Variants in PKP4 observed in about 807,000 individuals in gnomAD.
PKP4 encodes the protein plakophilin 4, also known as plakophilin-4.
In PKP4, 90 loss-of-function variants were observed where a neutral mutation model predicts 145.1. The observed-to-expected ratio is 0.62, with a 90% CI of 0.52 to 0.74. PKP4 has a LOEUF of 0.74. Among genes scored for constraint, PKP4 ranks in the 30% least tolerant of loss-of-function variants. The pLI, the probability that PKP4 is intolerant of heterozygous loss-of-function variation, is 0.00. For synonymous variants in PKP4, 563 were observed against 577.2 expected, an observed-to-expected ratio of 0.98 and a Z score of 0.35; for missense variants, 1,340 against 1,482.7, an observed-to-expected ratio of 0.90 and a Z score of 1.58.
chr2:158,651,484 C>T (rs1267012073), intron 11 of PKP4, among the ~76,000 whole-genome samples: 1 of 152,038 alleles, frequency 6.6e-6, no homozygotes, highest in Non-Finnish European at 1.5e-5. Context: ...CAGGTTTTCC[C>T]ACCTGCCTGT....
chr2:158,554,548 C>T (rs1028417414), intron 2 of PKP4, among the ~76,000 whole-genome samples: 2 of 151,812 alleles, frequency 1.3e-5, no homozygotes, highest in Non-Finnish European at 2.9e-5. Context: ...GTCTCAGCCT[C>T]CCGAGTAGCT....
chr2:158,578,354 G>T (rs115656179), intron 3 of PKP4: 4,009 of 160,122 alleles, frequency 0.025, 171 homozygotes, highest in African/African-American at 0.089. Flanking sequence ...AATAAAGGTC[G>T]TCAAAACTTT....
In PKP4 at chr2:158,631,851, A is replaced by C; in HGVS notation, c.1252A>C (p.Arg418=). 1 of 1,614,046 alleles carries C rather than the reference A, an allele frequency of 6.2e-7. No individual in the cohort carries two copies. The highest frequency in any genetic ancestry group is 8.5e-7 in the Non-Finnish European group (1 of 1,179,962). Residue 418 remains arginine (R), a synonymous_variant, in exon 8 of 22, where the codon AGG becomes CGG. Coordinates refer to ENST00000389759, the MANE Select transcript of PKP4 (RefSeq NM_003628.6). ...GCACATTACTCCTATATATGAGGGG[A>C]GGACCTATTACAGCCCAGTGTACCG... is the stretch of plus-strand genomic sequence containing the variant. ...DLHITPIYEG[R]TYYSPVYRSP...
chr2:158,568,446 C>T (rs984634220), intron 2 of PKP4, among the ~76,000 whole-genome samples: 5 of 152,132 alleles, frequency 3.3e-5, no homozygotes, highest in Non-Finnish European at 7.3e-5. Context: ...AGAACTACTC[C>T]GTGCAGAAAT....
intron 1 of PKP4, among the ~76,000 whole-genome samples, chr2:158,487,225 A>G (rs994637297): frequency 6.6e-6 from 1 of 152,246 alleles, no homozygotes. Flanking sequence ...TAGAGCCTTA[A>G]GGCCATAAAT....
chr2:158,652,248 G>A (rs1558955176), intron 11 of PKP4, among the ~76,000 whole-genome samples: 1 of 152,168 alleles, frequency 6.6e-6, no homozygotes, highest in Non-Finnish European at 1.5e-5. Context: ...GTTTGGACTA[G>A]CCATATTTCA....
intron 2 of PKP4, among the ~76,000 whole-genome samples, chr2:158,558,129 C>G (rs147353558): frequency 6.6e-6 from 1 of 152,278 alleles, no homozygotes; most frequent in East Asian, 1.9e-4. Context: ...GACCATGGCT[C>G]TATCTCCTCT....
At chr2:158,478,669 TAAA>T (rs954321778) in intron 1 of PKP4, among the ~76,000 whole-genome samples, 4 of 152,214 alleles carry the variant, frequency 2.6e-5, no homozygotes, top group Non-Finnish European at 4.4e-5. Context: ...TGGTAACTGT[TAAA>T]AAACATAATT....
intron 1 of PKP4, among the ~76,000 whole-genome samples, chr2:158,510,004 T>TTCC (rs2041356231): frequency 6.6e-6 from 1 of 152,124 alleles, no homozygotes; most frequent in African/African-American, 2.4e-5. Context: ...GTTGTGTTAT[T>TTCC]TCCTGCTAAT....
At chr2:158,625,741 T>C (rs2052714917) in intron 7 of PKP4, among the ~76,000 whole-genome samples, 1 of 152,222 alleles carries the variant, frequency 6.6e-6, no homozygotes. Flanking sequence ...AGCAGTTGAC[T>C]AATTTTTTTT....
chr2:158,602,775 CTG>C (rs1229177070), intron 3 of PKP4, among the ~76,000 whole-genome samples: 1 of 152,094 alleles, frequency 6.6e-6, no homozygotes, highest in Non-Finnish European at 1.5e-5. Flanking sequence ...CACGAAAAAA[CTG>C]TAGTACATCA....
intron 18 of PKP4, 28 bp from the exon 19 acceptor site, chr2:158,673,855 G>C (rs1196880359): frequency 6.6e-7 from 1 of 1,515,662 alleles, no homozygotes; most frequent in Non-Finnish European, 9.2e-7. Context: ...TTCATTTTGA[G>C]AGGTTTCTTT....
chr2:158,467,722 C>A (rs1690860521), intron 1 of PKP4, among the ~76,000 whole-genome samples: 1 of 152,084 alleles, frequency 6.6e-6, no homozygotes, highest in African/African-American at 2.4e-5. Flanking sequence ...TGGCATGTGC[C>A]TGTAGTCTCA....
chr2:158,522,270 T>C (rs961928148), intron 1 of PKP4, among the ~76,000 whole-genome samples: 2 of 152,178 alleles, frequency 1.3e-5, no homozygotes, highest in Non-Finnish European at 2.9e-5. Context: ...TTGTGGACTA[T>C]TATCAGCTCT....
chr2:158,505,962 T>C (rs966328890), intron 1 of PKP4, among the ~76,000 whole-genome samples: 7 of 152,170 alleles, frequency 4.6e-5, no homozygotes, highest in Non-Finnish European at 1.0e-4. Context: ...TCAACAGCCC[T>C]GTTTTGAAAC....
Position 158,640,608 on chromosome 2 carries a change from C to T in PKP4, c.1563-19C>T. Reference sequence around the variant, plus strand: ...ACAACATGGGCCTTCCTTTCTGAAGCCATGTTTTTCTCATGTAGGGAGTTT... The same window carrying T: ...ACAACATGGGCCTTCCTTTCTGAAGTCATGTTTTTCTCATGTAGGGAGTTT... On this transcript the variant is annotated intron_variant, in intron 9 of 21. Transcript: ENST00000389759. 1.9e-6 allele frequency: 3 copies of T among 1,610,320 alleles called. No homozygotes were observed. In the South Asian group the frequency reaches 3.3e-5, roughly 18 times the overall value.
intron 4 of PKP4, among the ~76,000 whole-genome samples, chr2:158,604,264 G>A (rs1000707469): frequency 1.3e-5 from 2 of 152,152 alleles, no homozygotes; most frequent in African/African-American, 2.4e-5. Context: ...GACAACACAA[G>A]TGTCACGGGA....
At chr2:158,637,956 C>T (rs1293261520) in intron 9 of PKP4, among the ~76,000 whole-genome samples, 2 of 152,232 alleles carry the variant, frequency 1.3e-5, no homozygotes, top group East Asian at 3.9e-4. Flanking sequence ...CCAGCTCTGG[C>T]AGGAGCCCAC....
chr2:158,576,522 A>C (rs1448819158), intron 2 of PKP4, among the ~76,000 whole-genome samples: 3 of 152,242 alleles, frequency 2.0e-5, no homozygotes, highest in Non-Finnish European at 1.5e-5. Flanking sequence ...TCAAGCTAAC[A>C]ATGAGAGAAA....
Sources: allele counts gnomAD v4.1 joint callset (sites outside exome capture counted in the v4.1 genomes callset), GRCh38; gene constraint gnomAD v4.1.1; transcripts MANE v1.5; gene names NCBI Gene and HGNC (gene_info 2026-07-23, HGNC 2026-07-21).